The following LRRC4C variants were observed in gnomAD, a reference collection of about 807,000 sequenced individuals.
The protein encoded by LRRC4C is leucine-rich repeat-containing protein 4C.
Under a neutral mutation model 33.6 loss-of-function variants are expected in LRRC4C, and 5 were observed. The ratio of observed to expected loss-of-function variants is 0.15; its 90% CI spans 0.08 to 0.31. The LOEUF (loss-of-function observed/expected upper bound fraction) is 0.31, where lower values mean the gene tolerates loss of function less well. Ranked by LOEUF, LRRC4C falls within the 10% of genes least tolerant of loss-of-function variation. LRRC4C has a pLI of 1.00. For missense variants in LRRC4C, 560 were observed against 796.7 expected (o/e 0.70, Z 3.58); for synonymous variants, 329 against 302.0 (o/e 1.09, Z -0.93).
At chr11:41,399,240 T>C (rs1263230759) in intron 1 of LRRC4C, among the ~76,000 whole-genome samples, 1 of 151,972 alleles carries the variant, frequency 6.6e-6, no homozygotes, top group African/African-American at 2.4e-5. Context: ...ATTTAAATAT[T>C]GCCTTGATTT....
At chr11:41,099,476 T>C (rs923360147) in intron 1 of LRRC4C, among the ~76,000 whole-genome samples, 10 of 151,320 alleles carry the variant, frequency 6.6e-5, no homozygotes, top group Admixed American at 5.9e-4. Flanking sequence ...CAGCAGCACA[T>C]CAAAAAGCTA....
At chr11:40,810,655 A>C (rs1190780602) in intron 2 of LRRC4C, among the ~76,000 whole-genome samples, 1 of 152,140 alleles carries the variant, frequency 6.6e-6, no homozygotes, top group East Asian at 1.9e-4. Flanking sequence ...AAATCAGAAA[A>C]GGGCACCAAC....
rs530532577 is a variant in LRRC4C at position 41,203,354 on chromosome 11, T to C, written c.-496+256077A>G. Among the ~76,000 whole-genome samples the C allele has an allele frequency of 4.6e-5, 7 of 152,310 alleles. No individual in the cohort carries two copies. In the East Asian group the frequency reaches 1.4e-3, roughly 29 times the overall value. ...TCCAAGATGCTGAGGAGAAGGCAGT[T>C]GCTTTGGTAACAAGAATTCAAATAC... On this transcript the variant is annotated intron_variant, in intron 1 of 6. Transcript: ENST00000528697.
intron 5 of LRRC4C, among the ~76,000 whole-genome samples, chr11:40,226,554 C>T (rs906164573): frequency 4.6e-5 from 7 of 152,124 alleles, no homozygotes; most frequent in African/African-American, 7.2e-5. Flanking sequence ...ACTAACCTTG[C>T]TTATGCTTGA....
At chr11:41,401,387 T>A (rs1488759565) in intron 1 of LRRC4C, among the ~76,000 whole-genome samples, 1 of 151,760 alleles carries the variant, frequency 6.6e-6, no homozygotes, top group Non-Finnish European at 1.5e-5. Flanking sequence ...AGGAAAAAAA[T>A]AAGAAATTTT....
chr11:41,319,996 A>T (rs944776936), intron 1 of LRRC4C, among the ~76,000 whole-genome samples: 4 of 152,022 alleles, frequency 2.6e-5, no homozygotes, highest in South Asian at 2.1e-4. Context: ...AAAATCATTT[A>T]AAAAAAAGAA....
At chr11:40,368,136 A>G (rs1948295303) in intron 3 of LRRC4C, among the ~76,000 whole-genome samples, 1 of 152,184 alleles carries the variant, frequency 6.6e-6, no homozygotes, top group Non-Finnish European at 1.5e-5. Context: ...ATAAATATAT[A>G]TATCTTTAAA....
intron 1 of LRRC4C, among the ~76,000 whole-genome samples, chr11:40,973,418 C>G (rs1038577758): frequency 6.6e-6 from 1 of 152,042 alleles, no homozygotes; most frequent in African/African-American, 2.4e-5. Context: ...AAAACAGTGC[C>G]TTGTCAAGAA....
chr11:40,675,259 G>A (rs2136295597), intron 2 of LRRC4C, among the ~76,000 whole-genome samples: 1 of 152,126 alleles, frequency 6.6e-6, no homozygotes, highest in South Asian at 2.1e-4. Flanking sequence ...AGCATTTCAG[G>A]AAAATGGCCT....
intron 3 of LRRC4C, among the ~76,000 whole-genome samples, chr11:40,605,782 C>T (rs1300870107): frequency 1.3e-5 from 2 of 152,186 alleles, no homozygotes; most frequent in Non-Finnish European, 2.9e-5. Flanking sequence ...ATACTCTCTT[C>T]CTCACCATAG....
intron 2 of LRRC4C, among the ~76,000 whole-genome samples, chr11:40,858,200 C>A (rs1387790054): frequency 6.6e-6 from 1 of 152,138 alleles, no homozygotes; most frequent in Non-Finnish European, 1.5e-5. Flanking sequence ...CGTATTAGTG[C>A]AAAACTATAC....
At chr11:40,318,072 C>A (rs994628456) in intron 4 of LRRC4C, among the ~76,000 whole-genome samples, 1 of 151,972 alleles carries the variant, frequency 6.6e-6, no homozygotes, top group African/African-American at 2.4e-5. Context: ...AAGACATACC[C>A]GAGAACATTG....
chr11:41,264,143 G>A lies in LRRC4C; in HGVS notation c.-496+195288C>T, dbSNP rs1333952096. 2.0e-5 allele frequency among the ~76,000 whole-genome samples: 3 copies of A among 148,334 alleles called. No individual in the cohort carries two copies. In the South Asian group the frequency reaches 6.3e-4, roughly 31 times the overall value. Reference sequence around the variant, plus strand: ...AGTCTCGCTTTATTGCCAGGCTGGAGTGCAGTGGCTCAATCTTGGCTCACT... The same window carrying A: ...AGTCTCGCTTTATTGCCAGGCTGGAATGCAGTGGCTCAATCTTGGCTCACT... On this transcript the variant is annotated intron_variant, in intron 1 of 6. Transcript: ENST00000528697.
intron 2 of LRRC4C, among the ~76,000 whole-genome samples, chr11:40,890,630 A>C (rs1286678564): frequency 1.3e-5 from 2 of 152,142 alleles, no homozygotes; most frequent in Middle Eastern, 3.2e-3. Flanking sequence ...GTCATTGGTG[A>C]GGAGACCATT....
At chr11:41,385,348 C>T (rs1393847328) in intron 1 of LRRC4C, among the ~76,000 whole-genome samples, 1 of 151,448 alleles carries the variant, frequency 6.6e-6, no homozygotes, top group African/African-American at 2.4e-5. Context: ...ATTGTACTTG[C>T]CAACCTACTG....
chr11:40,471,682 CAAA>C (rs3041120), intron 3 of LRRC4C, among the ~76,000 whole-genome samples: 3 of 130,986 alleles, frequency 2.3e-5, no homozygotes, highest in Non-Finnish European at 1.6e-5. Context: ...AATGGAAAGC[CAAA>C]AAAAAAAAAA....
intron 3 of LRRC4C, among the ~76,000 whole-genome samples, chr11:40,509,999 A>C (rs533889271): frequency 6.6e-6 from 1 of 152,058 alleles, no homozygotes; most frequent in Non-Finnish European, 1.5e-5. Context: ...ACTGCACTTT[A>C]GGTCAGGTAA....
At chr11:40,328,578 A>C (rs1275507355) in intron 3 of LRRC4C, among the ~76,000 whole-genome samples, 1 of 152,210 alleles carries the variant, frequency 6.6e-6, no homozygotes, top group Non-Finnish European at 1.5e-5. Context: ...ATAGTCAACC[A>C]TTGGAATAAG....
intron 1 of LRRC4C, among the ~76,000 whole-genome samples, chr11:41,094,589 T>C (rs1034633398): frequency 2.6e-5 from 4 of 152,156 alleles, no homozygotes; most frequent in African/African-American, 9.7e-5. Flanking sequence ...TGATCCTGTG[T>C]GAATAGCTAT....
Sources: gnomAD v4.1 joint callset for allele counts (sites outside exome capture counted in the v4.1 genomes callset) on GRCh38, gnomAD v4.1.1 for gene constraint, MANE v1.5 for transcripts, NCBI Gene and HGNC (gene_info 2026-07-23, HGNC 2026-07-21) for gene names.